ANO6: variants seen among roughly 807,000 people sequenced by gnomAD.
The protein encoded by ANO6 is anoctamin 6.
Under a neutral mutation model 117.5 loss-of-function variants are expected in ANO6, and 106 were observed. The ratio of observed to expected loss-of-function variants is 0.90; its 90% CI spans 0.77 to 1.06. The LOEUF is 1.06. Ranked by LOEUF, ANO6 falls within the 50% of genes least tolerant of loss-of-function variation. ANO6 has a pLI of 0.00. For missense variants in ANO6, 955 were observed against 1,121.1 expected, an observed-to-expected ratio of 0.85 and a Z score of 2.12; for synonymous variants, 367 against 385.1, an observed-to-expected ratio of 0.95 and a Z score of 0.55.
At chr12:45,351,491 A>G (rs573374994) in intron 7 of ANO6, among the ~76,000 whole-genome samples, 3 of 152,358 alleles carry the variant, frequency 2.0e-5, no homozygotes, top group Middle Eastern at 3.4e-3. Context: ...AAACAAGCCA[A>G]TAAAACATGA....
chr12:45,266,064 TG>T (rs1288304907), intron 1 of ANO6, among the ~76,000 whole-genome samples: 1 of 152,230 alleles, frequency 6.6e-6, no homozygotes, highest in Non-Finnish European at 1.5e-5. Context: ...AAACTTCCCC[TG>T]GCCATTCAAG....
intron 1 of ANO6, among the ~76,000 whole-genome samples, chr12:45,274,478 A>G (rs995087760): frequency 1.8e-4 from 27 of 152,004 alleles, no homozygotes; most frequent in Admixed American, 1.3e-4. Context: ...TCAAGCACCC[A>G]ACATCCCCTG....
intron 7 of ANO6, among the ~76,000 whole-genome samples, chr12:45,351,621 T>C (rs7960365): frequency 0.032 from 4,938 of 151,992 alleles, 242 homozygotes; most frequent in African/African-American, 0.11. Context: ...TAAGCTGAGA[T>C]CGGATAGTGA....
At chr12:45,349,677 G>A (rs73281507) in intron 6 of ANO6, among the ~76,000 whole-genome samples, 2,007 of 152,240 alleles carry the variant, frequency 0.013, 39 homozygotes, top group African/African-American at 0.046. Flanking sequence ...ATAAAACTAG[G>A]ACACTAAACA....
rs531981958 is a variant in ANO6, at chr12:45,361,746, T to C, written c.998+4322T>C. 3.9e-5 allele frequency among the ~76,000 whole-genome samples: 6 copies of C among 152,242 alleles called. No homozygotes were observed. In the East Asian group the frequency reaches 1.2e-3, roughly 29 times the overall value. On this transcript the variant is annotated intron_variant, in intron 8 of 19. Transcript: ENST00000320560. ...GCTCTTTCTGTGTCTATTGACATTA[T>C]CTTGTGTGTAGTTTTTGTTCGTTAT...
At chr12:45,407,479 G>T (rs2137649966) in intron 15 of ANO6, among the ~76,000 whole-genome samples, 1 of 37,336 alleles carries the variant, frequency 2.7e-5, no homozygotes, top group Non-Finnish European at 4.9e-5. Context: ...TGCTACCTGA[G>T]TCACCCCCCC....
At chr12:45,354,241 A>G (rs909244130) in intron 7 of ANO6, among the ~76,000 whole-genome samples, 7 of 148,156 alleles carry the variant, frequency 4.7e-5, no homozygotes, top group Non-Finnish European at 5.9e-5. Flanking sequence ...TTGGAAAGCA[A>G]AATGAAAAGA....
In ANO6 at chr12:45,432,229, GTAAT is replaced by G. The variant is rs1417694532; in HGVS notation, c.*2923_*2926del. On this transcript the variant is annotated 3_prime_UTR_variant, in exon 20 of 20. Coordinates refer to ENST00000320560, the MANE Select transcript of ANO6 (RefSeq NM_001025356.3). ...CATTGTGGCATAAGATGTAAAGTTTGTAATTAATGTTAATTTCTGTGCATTTTAA... is the reference window on the plus strand; with the variant it reads ...CATTGTGGCATAAGATGTAAAGTTTGTAATGTTAATTTCTGTGCATTTTAA... The G allele has an allele frequency of 5.3e-6, 5 of 938,650 alleles. No homozygotes were observed. The highest frequency in any genetic ancestry group is 6.3e-5 in the Admixed American group (1 of 16,000). 58.1% of individuals were successfully genotyped at this position (938,650 alleles called of 1,614,324 possible).
At chr12:45,319,151 T>C (rs1160095895) in intron 2 of ANO6, among the ~76,000 whole-genome samples, 3 of 152,334 alleles carry the variant, frequency 2.0e-5, no homozygotes, top group South Asian at 4.1e-4. Flanking sequence ...TCCAACACTA[T>C]GTCGAATAGG....
At chr12:45,321,598 C>T (rs1940273611) in intron 2 of ANO6, among the ~76,000 whole-genome samples, 2 of 152,102 alleles carry the variant, frequency 1.3e-5, no homozygotes, top group South Asian at 4.2e-4. Flanking sequence ...TGTATTTTGT[C>T]ACTAACAGGA....
At chr12:45,410,034 G>A (rs372795471) in intron 16 of ANO6, among the ~76,000 whole-genome samples, 3 of 152,176 alleles carry the variant, frequency 2.0e-5, no homozygotes, top group African/African-American at 4.8e-5. Flanking sequence ...GGGATTACAC[G>A]CATAAGCCAC....
At chr12:45,237,462 A>T (rs1439516926) in intron 1 of ANO6, among the ~76,000 whole-genome samples, 1 of 152,192 alleles carries the variant, frequency 6.6e-6, no homozygotes, top group Non-Finnish European at 1.5e-5. Context: ...TTTTCCCAGC[A>T]CCATTTATTA....
intron 17 of ANO6, 22 bp downstream of exon 17, chr12:45,416,926 A>G: frequency 4.3e-6 from 7 of 1,610,052 alleles, no homozygotes; most frequent in Non-Finnish European, 4.3e-6. Context: ...TAAGCTTTAC[A>G]GAGTAAAGAC....
chr12:45,275,076 G>A (rs1042327551), intron 1 of ANO6, among the ~76,000 whole-genome samples: 3 of 151,930 alleles, frequency 2.0e-5, no homozygotes, highest in Non-Finnish European at 4.4e-5. Context: ...TCGATAAGTT[G>A]TATGACTGAA....
intron 3 of ANO6, among the ~76,000 whole-genome samples, chr12:45,344,003 G>A (rs1255445660): frequency 2.6e-5 from 4 of 152,108 alleles, no homozygotes; most frequent in Non-Finnish European, 1.5e-5. Context: ...TTTCATGGGA[G>A]ACCACGAAAA....
intron 1 of ANO6, among the ~76,000 whole-genome samples, chr12:45,255,837 T>TTTTTTTTTTG: frequency 6.7e-6 from 1 of 149,440 alleles, no homozygotes. Context: ...TTTTTTTTTT[T>TTTTTTTTTTG]TGAGACTGAA....
intron 1 of ANO6, among the ~76,000 whole-genome samples, chr12:45,270,172 G>A (rs1486720935): frequency 6.6e-6 from 1 of 152,226 alleles, no homozygotes; most frequent in African/African-American, 2.4e-5. Context: ...GCTCATGAAA[G>A]AAGCACTGAG....
Position 45,430,723 on chromosome 12 carries a change from G to A in ANO6, c.*1412G>A, listed in dbSNP as rs1592059702. ...GCTGCACTCCTGTCTTGCCATGCACGTCTTGCCCCCTCACTTTTGCTCAGC... is the reference window on the plus strand; with the variant it reads ...GCTGCACTCCTGTCTTGCCATGCACATCTTGCCCCCTCACTTTTGCTCAGC... On this transcript the variant is annotated 3_prime_UTR_variant, in exon 20 of 20. Coordinates refer to ENST00000320560, the MANE Select transcript of ANO6 (RefSeq NM_001025356.3). 1.0e-5 allele frequency: 10 copies of A among 985,318 alleles called. No individual in the cohort carries two copies. The highest frequency in any genetic ancestry group is 1.2e-5 in the Non-Finnish European group (10 of 829,918). The allele number at this position is 985,318 out of a possible 1,614,324, so 61.0% of individuals were successfully genotyped here.
At chr12:45,280,234 AAGTT>A (rs1938680440) in intron 1 of ANO6, among the ~76,000 whole-genome samples, 1 of 152,080 alleles carries the variant, frequency 6.6e-6, no homozygotes, top group African/African-American at 2.4e-5. Flanking sequence ...TCTCTTTTCT[AAGTT>A]GCTGCTTCTC....
Sources: allele counts gnomAD v4.1 joint callset (sites outside exome capture counted in the v4.1 genomes callset), GRCh38; gene constraint gnomAD v4.1.1; transcripts MANE v1.5; gene names NCBI Gene and HGNC (gene_info 2026-07-23, HGNC 2026-07-21).